Variants in MTHFD1L observed in about 807,000 individuals in gnomAD.
MTHFD1L encodes methylenetetrahydrofolate dehydrogenase (NADP+ dependent) 1 like.
A neutral mutation model predicts 119.5 loss-of-function variants in MTHFD1L; 81 were observed. That is an observed-to-expected ratio of 0.68 (90% confidence interval 0.57 to 0.82). The LOEUF (loss-of-function observed/expected upper bound fraction) is 0.82, where lower values mean the gene tolerates loss of function less well. Ranked by LOEUF, MTHFD1L falls within the 40% of genes least tolerant of loss-of-function variation. The pLI, the probability that MTHFD1L is intolerant of heterozygous loss-of-function variation, is 0.00. For missense variants in MTHFD1L, 1,125 were observed against 1,253.4 expected, an observed-to-expected ratio of 0.90 and a Z score of 1.55; for synonymous variants, 430 against 475.2, an observed-to-expected ratio of 0.90 and a Z score of 1.24.
At chr6:151,068,861 A>T (rs1412702163) in intron 26 of MTHFD1L, among the ~76,000 whole-genome samples, 1 of 152,136 alleles carries the variant, frequency 6.6e-6, no homozygotes, top group Non-Finnish European at 1.5e-5. Context: ...CAATATCCCT[A>T]AAAATAGTAG....
intron 1 of MTHFD1L, among the ~76,000 whole-genome samples, chr6:150,868,377 TCGC>T (rs1184129061): frequency 5.3e-5 from 8 of 150,562 alleles, no homozygotes; most frequent in African/African-American, 2.0e-4. Flanking sequence ...TCTCACTCTG[TCGC>T]ACAGGTTGGA....
rs746036989 is a variant in MTHFD1L at position 150,956,036 on chromosome 6, G to T, written c.1768G>T (p.Gly590Trp). 10 of 1,613,936 alleles carry T rather than the reference G, an allele frequency of 6.2e-6. No individual in the cohort carries two copies. Among genetic ancestry groups the T allele is most frequent in the Non-Finnish European group, 8.5e-6 (10 of 1,179,968 alleles). Residue 590 changes from glycine (G) to tryptophan (W), a missense_variant, in exon 17 of 28, where the codon GGG becomes TGG. Physicochemically the swap from Gly to Trp is radical, Grantham distance 184. Around this residue, in one of 3 missense-constraint regions of MTHFD1L, gnomAD observed 1,058 missense variants for 1,151.2 expected, o/e 0.92. Transcript: ENST00000367321. ...NDRFLRKITI[G>W]QGNTEKGHYR... Reference sequence around the variant, plus strand: ...CCGATTTCTACGAAAAATAACCATCGGGCAGGGAAACACAGAGAAGGGCCA... The same window carrying T: ...CCGATTTCTACGAAAAATAACCATCTGGCAGGGAAACACAGAGAAGGGCCA...
intron 20 of MTHFD1L, among the ~76,000 whole-genome samples, chr6:150,981,659 C>T (rs1429586104): frequency 6.6e-6 from 1 of 152,194 alleles, no homozygotes. Flanking sequence ...ATAGGTAAAG[C>T]ATGAATTCAT....
At chr6:151,040,707 T>TA (rs1439135854) in intron 26 of MTHFD1L, among the ~76,000 whole-genome samples, 1 of 152,110 alleles carries the variant, frequency 6.6e-6, no homozygotes, top group Non-Finnish European at 1.5e-5. Flanking sequence ...TCTCTGTCTC[T>TA]AAAAAAATGA....
Position 150,918,645 on chromosome 6 carries a change from C to G in MTHFD1L, c.961C>G (p.Leu321Val), listed in dbSNP as rs774161080. 6.2e-6 allele frequency: 10 copies of G among 1,613,950 alleles called. No individual in the cohort carries two copies. In the African/African-American group the frequency reaches 9.3e-5, roughly 15 times the overall value. Reference sequence around the variant, plus strand: ...CATTGAGGAAGATGATGTGATTCTCCTTGCTGCAGCTCTGCGAATTCAGGT... The same window carrying G: ...CATTGAGGAAGATGATGTGATTCTCGTTGCTGCAGCTCTGCGAATTCAGGT... ...GLIEEDDVIL[L>V]AAALRIQNMV... Residue 321 changes from leucine to valine, a missense_variant, in exon 9 of 28, where the codon CTT becomes GTT. Leu to Val is a conservative substitution (Grantham distance 32, BLOSUM62 1). Around this residue, in one of 3 missense-constraint regions of MTHFD1L, gnomAD observed 1,058 missense variants for 1,151.2 expected, o/e 0.92. Coordinates refer to ENST00000367321, the MANE Select transcript of MTHFD1L (RefSeq NM_015440.5).
chr6:150,975,484 G>A (rs900356579), intron 20 of MTHFD1L, among the ~76,000 whole-genome samples: 1 of 152,174 alleles, frequency 6.6e-6, no homozygotes, highest in Non-Finnish European at 1.5e-5. Context: ...CTCATTCTCA[G>A]TTAATATCTA....
intron 11 of MTHFD1L, among the ~76,000 whole-genome samples, chr6:150,929,430 C>T (rs921645171): frequency 6.6e-6 from 1 of 152,128 alleles, no homozygotes; most frequent in Non-Finnish European, 1.5e-5. Flanking sequence ...TTATCCAGTC[C>T]TTGTGCTTTA....
intron 16 of MTHFD1L, among the ~76,000 whole-genome samples, chr6:150,950,604 A>G (rs757811958): frequency 6.6e-6 from 1 of 152,224 alleles, no homozygotes; most frequent in Non-Finnish European, 1.5e-5. Flanking sequence ...TTCCAGACCC[A>G]AAAGCTCTGC....
At chr6:150,889,639 A>G (rs547687473) in intron 7 of MTHFD1L, among the ~76,000 whole-genome samples, 5 of 152,316 alleles carry the variant, frequency 3.3e-5, no homozygotes, top group African/African-American at 1.2e-4. Flanking sequence ...CAGGTGAGGA[A>G]CCCGAGGTTT....
At chr6:150,917,108 C>T (rs1239148523) in intron 8 of MTHFD1L, among the ~76,000 whole-genome samples, 1 of 151,722 alleles carries the variant, frequency 6.6e-6, no homozygotes, top group African/African-American at 2.4e-5. Flanking sequence ...TCAAAAAAGC[C>T]TGATCTTTCA....
At chr6:150,974,703 G>A (rs1426980758) in intron 20 of MTHFD1L, among the ~76,000 whole-genome samples, 1 of 150,204 alleles carries the variant, frequency 6.7e-6, no homozygotes, top group Non-Finnish European at 1.5e-5. Flanking sequence ...CCATGTTGCA[G>A]CAGGCGTCAG....
chr6:151,046,431 T>C (rs1788020243), intron 26 of MTHFD1L, among the ~76,000 whole-genome samples: 1 of 144,996 alleles, frequency 6.9e-6, no homozygotes, highest in African/African-American at 2.5e-5. Flanking sequence ...TATACTTTCA[T>C]ACAACTGGTA....
At chr6:150,964,792 A>G (rs1796959064) in intron 18 of MTHFD1L, among the ~76,000 whole-genome samples, 177 bp from the exon 19 acceptor site, 1 of 152,198 alleles carries the variant, frequency 6.6e-6, no homozygotes, top group Non-Finnish European at 1.5e-5. Context: ...TGTGACTGAC[A>G]TCCGTTCTCA....
At chr6:151,030,356 C>T (rs1659322140) in intron 24 of MTHFD1L, among the ~76,000 whole-genome samples, 2 of 152,230 alleles carry the variant, frequency 1.3e-5, no homozygotes, top group African/African-American at 2.4e-5. Flanking sequence ...GGAACATTGC[C>T]TGCTTCCCAA....
At chr6:150,944,308 A>T (rs1219876598) in intron 13 of MTHFD1L, among the ~76,000 whole-genome samples, 178 bp from the exon 14 acceptor site, 1 of 151,958 alleles carries the variant, frequency 6.6e-6, no homozygotes, top group Non-Finnish European at 1.5e-5. Context: ...TTAGCCAGGC[A>T]CAATGGTGTG....
chr6:151,093,671 C>T (rs1459998712), intron 27 of MTHFD1L, among the ~76,000 whole-genome samples: 4 of 151,858 alleles, frequency 2.6e-5, no homozygotes, highest in Admixed American at 2.6e-4. Flanking sequence ...AAAAAAAAAT[C>T]ACTCTCACAG....
intron 20 of MTHFD1L, among the ~76,000 whole-genome samples, chr6:151,006,285 C>T (rs1213691690): frequency 6.6e-6 from 1 of 152,108 alleles, no homozygotes; most frequent in Admixed American, 6.5e-5. Flanking sequence ...GAGTCTTGGA[C>T]AGCGGGTTAA....
chr6:151,083,231 C>T (rs1466894334), intron 26 of MTHFD1L, among the ~76,000 whole-genome samples: 1 of 151,748 alleles, frequency 6.6e-6, no homozygotes, highest in Non-Finnish European at 1.5e-5. Context: ...AAGTCTCACT[C>T]TTGTCACCCA....
chr6:151,098,942 G>A (rs538827857), intron 27 of MTHFD1L, among the ~76,000 whole-genome samples: 224 of 152,164 alleles, frequency 1.5e-3, no homozygotes, highest in African/African-American at 2.7e-3. Context: ...TTGGGAGGCC[G>A]AGGCAGGCGG....
Sources: gnomAD v4.1 joint callset for allele counts (sites outside exome capture counted in the v4.1 genomes callset) on GRCh38, gnomAD v4.1.1 for gene constraint, gnomAD v4.1.1 regional missense constraint, MANE v1.5 for transcripts, NCBI Gene and HGNC (gene_info 2026-07-23, HGNC 2026-07-21) for gene names.